Variants in ZNG1A observed in about 807,000 individuals in gnomAD.
ZNG1A encodes the protein Zn regulated GTPase metalloprotein activator 1A.
chr9:163,654 C>A, the ZNG1A span, among the ~76,000 whole-genome samples: 2 of 151,958 alleles, frequency 1.3e-5, no homozygotes, highest in African/African-American at 4.8e-5. Flanking sequence ...TGGTGGCTCA[C>A]GCCTGTAATC....
At chr9:171,889 A>G in the ZNG1A span, 2 of 703,234 alleles carry the variant, frequency 2.8e-6, no homozygotes, top group Non-Finnish European at 4.7e-6. Context: ...AAAAGTACCA[A>G]GAAATACTCT....
At chr9:177,681 C>A in the ZNG1A span, 16 of 1,273,926 alleles carry the variant, frequency 1.3e-5, no homozygotes, top group Non-Finnish European at 1.7e-5. Flanking sequence ...AATTCTCACT[C>A]CTGAGCTTCA....
At chr9:155,799 C>A in the ZNG1A span, among the ~76,000 whole-genome samples, 5,574 of 146,756 alleles carry the variant, frequency 0.038, 146 homozygotes, top group African/African-American at 0.068. Flanking sequence ...ATAAGGAAAA[C>A]AGTTACAAAA....
At chr9:145,836 GAC>G in the ZNG1A span, among the ~76,000 whole-genome samples, 1 of 151,800 alleles carries the variant, frequency 6.6e-6, no homozygotes, top group African/African-American at 2.4e-5. Flanking sequence ...AAGAGTATTA[GAC>G]ATAGTGTTTG....
At chr9:150,735 A>G in the ZNG1A span, 2 of 978,978 alleles carry the variant, frequency 2.0e-6, no homozygotes, top group African/African-American at 3.6e-5. Flanking sequence ...TCTATAATAA[A>G]GCAAATGTTA....
the ZNG1A span, among the ~76,000 whole-genome samples, chr9:158,578 T>G: frequency 6.6e-6 from 1 of 150,982 alleles, no homozygotes; most frequent in Admixed American, 6.6e-5. Flanking sequence ...ACAATGTTAG[T>G]TTCACAAGGT....
At chr9:139,991 G>C in the ZNG1A span, among the ~76,000 whole-genome samples, 1 of 150,386 alleles carries the variant, frequency 6.6e-6, no homozygotes, top group African/African-American at 2.5e-5. Flanking sequence ...ATTATATCCC[G>C]CACCTGGCTC....
At chr9:142,953 A>G in the ZNG1A span, among the ~76,000 whole-genome samples, 1 of 137,808 alleles carries the variant, frequency 7.3e-6, no homozygotes, top group Non-Finnish European at 1.5e-5. Flanking sequence ...GAAGAAATGG[A>G]TAAATTCCTT....
the ZNG1A span, chr9:135,118 A>G: frequency 1.5e-6 from 2 of 1,346,654 alleles, no homozygotes; most frequent in Non-Finnish European, 1.0e-6. Context: ...TAATGAAGTG[A>G]CTTTCCATAA....
At chr9:171,651 G>T in the ZNG1A span, 1 of 218,256 alleles carries the variant, frequency 4.6e-6, no homozygotes, top group South Asian at 6.6e-5. Flanking sequence ...GGGAGGATGT[G>T]CATAGCTTAT....
At chr9:148,285 G>T in the ZNG1A span, 1 of 95,332 alleles carries the variant, frequency 1.0e-5, no homozygotes, top group African/African-American at 3.6e-5. Flanking sequence ...TTTATACTCA[G>T]ATTCTTTCCA....
At chr9:129,676 G>GC in the ZNG1A span, among the ~76,000 whole-genome samples, 1 of 98,264 alleles carries the variant, frequency 1.0e-5, no homozygotes, top group Non-Finnish European at 2.2e-5. Flanking sequence ...GACGAAAATT[G>GC]GGGGGGGCTG....
the ZNG1A span, chr9:121,472 T>C: frequency 3.7e-6 from 6 of 1,611,316 alleles, no homozygotes; most frequent in East Asian, 1.1e-4. Context: ...TAGTGTTATG[T>C]ACAAACTTGA....
At chr9:137,345 A>C in the ZNG1A span, among the ~76,000 whole-genome samples, 1 of 146,230 alleles carries the variant, frequency 6.8e-6, no homozygotes, top group African/African-American at 2.5e-5. Flanking sequence ...TGGGCAATAG[A>C]CCCAGACCCT....
the ZNG1A span, among the ~76,000 whole-genome samples, chr9:125,154 T>C: frequency 9.2e-5 from 14 of 152,332 alleles, no homozygotes; most frequent in African/African-American, 3.4e-4. Context: ...GTGGTTGTAC[T>C]AGTTTACATT....
chr9:139,821 G>A, the ZNG1A span, among the ~76,000 whole-genome samples: 73 of 151,592 alleles, frequency 4.8e-4, no homozygotes, highest in Admixed American at 3.9e-3. Flanking sequence ...TCCGCGAGCC[G>A]AAGCAGGGCG....
At chr9:150,153 G>C in the ZNG1A span, 1 of 88,720 alleles carries the variant, frequency 1.1e-5, no homozygotes, top group African/African-American at 4.6e-5. Flanking sequence ...TTGAGACAGA[G>C]TCTCGCTCTG....
chr9:135,901 A>AAGTCATGCAACGGC, the ZNG1A span, among the ~76,000 whole-genome samples: 1 of 80,522 alleles, frequency 1.2e-5, no homozygotes, highest in Non-Finnish European at 2.2e-5. Flanking sequence ...ACACACAAAA[A>AAGTCATGCAACGGC]AGTCATGCAA....
At chr9:142,234 T>C in the ZNG1A span, among the ~76,000 whole-genome samples, 1 of 140,284 alleles carries the variant, frequency 7.1e-6, no homozygotes, top group African/African-American at 2.8e-5. Context: ...ATCAACAGAA[T>C]ATACATTCTT....
Sources: gnomAD v4.1 joint callset for allele counts (sites outside exome capture counted in the v4.1 genomes callset) on GRCh38, gnomAD v4.1.1 for gene constraint, MANE v1.5 for transcripts, NCBI Gene and HGNC (gene_info 2026-07-23, HGNC 2026-07-21) for gene names.